Variants in MED27 observed in about 807,000 individuals in gnomAD.
MED27 encodes mediator of RNA polymerase II transcription subunit 27.
In MED27, 30 loss-of-function variants were observed where a neutral mutation model predicts 38.2. That is an observed-to-expected ratio of 0.79 (90% CI 0.59 to 1.07). The LOEUF is 1.07. Among genes scored for constraint, MED27 ranks in the 50% least tolerant of loss-of-function variants. The pLI is 0.00. For synonymous variants in MED27, 122 were observed against 153.5 expected (o/e 0.79, Z 1.52); for missense variants, 289 against 397.5 (o/e 0.73, Z 2.32).
chr9:131,934,005 T>G (rs910526026), intron 4 of MED27, among the ~76,000 whole-genome samples: 1 of 152,160 alleles, frequency 6.6e-6, no homozygotes, highest in African/African-American at 2.4e-5. Flanking sequence ...TTGACAAAGA[T>G]GCCAAGAACA....
chr9:131,973,918 A>T (rs1014671546), intron 3 of MED27, among the ~76,000 whole-genome samples: 1 of 150,768 alleles, frequency 6.6e-6, no homozygotes, highest in Non-Finnish European at 1.5e-5. Context: ...GGGTTTCACC[A>T]TAGCCGGGAT....
Position 131,884,075 on chromosome 9 carries a change from A to G in MED27, c.706T>C (p.Tyr236His). ...GKLDIWSKSNYQVFQKVTDHA... is the reference protein window; with the variant it reads ...GKLDIWSKSNHQVFQKVTDHA... ...AAACTTACCTTCTGGAATACTTGAT[A>G]GTTGGATTTGGACCATATATCAAGC... The change falls in exon 6 of 8, where the codon TAT becomes CAT. Residue 236 changes from tyrosine to histidine, a missense_variant. Transcript: ENST00000292035. 1 of 1,612,550 alleles carries G rather than the reference A, an allele frequency of 6.2e-7. No individual in the cohort carries two copies. The highest frequency in any genetic ancestry group is 2.2e-5 in the East Asian group (1 of 44,824).
chr9:132,013,056 C>T (rs866556860), intron 3 of MED27, among the ~76,000 whole-genome samples: 4 of 152,146 alleles, frequency 2.6e-5, no homozygotes, highest in South Asian at 2.1e-4. Flanking sequence ...GGCGAAGGAA[C>T]GCTTCTCGGG....
intron 4 of MED27, among the ~76,000 whole-genome samples, chr9:131,924,267 A>C (rs1830444972): frequency 1.3e-5 from 2 of 152,100 alleles, no homozygotes; most frequent in Non-Finnish European, 2.9e-5. Context: ...AATTTTTGCC[A>C]ATCTGGTAGG....
At chr9:132,054,028 T>A (rs1833519829) in intron 2 of MED27, among the ~76,000 whole-genome samples, 1 of 151,852 alleles carries the variant, frequency 6.6e-6, no homozygotes, top group South Asian at 2.1e-4. Flanking sequence ...AGATATCAAG[T>A]AATCAAAACT....
intron 2 of MED27, among the ~76,000 whole-genome samples, chr9:132,053,201 C>A (rs568396205): frequency 1.3e-5 from 2 of 150,884 alleles, no homozygotes; most frequent in African/African-American, 4.9e-5. Flanking sequence ...TGCAGTGAGC[C>A]GAGATCGCGC....
intron 3 of MED27, among the ~76,000 whole-genome samples, chr9:131,967,944 A>G (rs1249855922): frequency 2.0e-5 from 3 of 150,514 alleles, no homozygotes; most frequent in Admixed American, 1.3e-4. Context: ...CAGCCTCCTG[A>G]TTAGCTGGGA....
chr9:131,919,414 T>C (rs1477443884), intron 4 of MED27, among the ~76,000 whole-genome samples: 6 of 151,968 alleles, frequency 3.9e-5, no homozygotes, highest in Non-Finnish European at 8.8e-5. Context: ...CAAGCAAGCA[T>C]GACATGCTGC....
chr9:132,026,748 G>A (rs1012168596), intron 2 of MED27, among the ~76,000 whole-genome samples: 1 of 152,074 alleles, frequency 6.6e-6, no homozygotes, highest in Non-Finnish European at 1.5e-5. Flanking sequence ...TACATCCCCA[G>A]TGTCCAGAAC....
intron 2 of MED27, among the ~76,000 whole-genome samples, chr9:132,056,998 C>A (rs1833592912): frequency 6.6e-6 from 1 of 152,190 alleles, no homozygotes; most frequent in Non-Finnish European, 1.5e-5. Flanking sequence ...GAAGCAGAGA[C>A]AAGGGACCAT....
chr9:132,006,695 G>A (rs1300119025), intron 3 of MED27, among the ~76,000 whole-genome samples: 1 of 152,052 alleles, frequency 6.6e-6, no homozygotes, highest in East Asian at 1.9e-4. Context: ...ATGAGCAACA[G>A]AAGAGATAAT....
intron 4 of MED27, among the ~76,000 whole-genome samples, chr9:131,894,677 C>T (rs557180071): frequency 8.3e-4 from 127 of 152,114 alleles, no homozygotes; most frequent in Non-Finnish European, 1.6e-3. Context: ...AAAAAGGAAC[C>T]TGCTGTGCTT....
chr9:131,937,990 AC>A (rs1434624974), intron 4 of MED27, among the ~76,000 whole-genome samples: 3 of 152,206 alleles, frequency 2.0e-5, no homozygotes, highest in Non-Finnish European at 4.4e-5. Flanking sequence ...TATGAAAAAA[AC>A]ATCGCATTAT....
chr9:131,891,858 A>G (rs947026023), intron 5 of MED27, among the ~76,000 whole-genome samples: 9 of 152,196 alleles, frequency 5.9e-5, no homozygotes, highest in African/African-American at 2.2e-4. Flanking sequence ...AGAGGGGTGG[A>G]GAGGGATGGG....
chr9:131,894,868 T>C (rs1315372782), intron 4 of MED27, among the ~76,000 whole-genome samples: 1 of 152,008 alleles, frequency 6.6e-6, no homozygotes, highest in Non-Finnish European at 1.5e-5. Flanking sequence ...CCCTCAGAAA[T>C]GGCTGGGTTC....
chr9:131,989,721 C>A (rs1021921062), intron 3 of MED27, among the ~76,000 whole-genome samples: 2 of 151,920 alleles, frequency 1.3e-5, no homozygotes, highest in African/African-American at 4.8e-5. Flanking sequence ...GAGCCAGCTC[C>A]AGCAATTATC....
chr9:131,884,182 C>A, intron 5 of MED27, 83 bp from the exon 6 acceptor site: 1 of 1,068,584 alleles, frequency 9.4e-7, no homozygotes, highest in South Asian at 1.9e-5. Context: ...TACTGTTAAC[C>A]CTTCTTAAAC....
chr9:132,012,128 A>C (rs1832498476), intron 3 of MED27, among the ~76,000 whole-genome samples: 1 of 152,222 alleles, frequency 6.6e-6, no homozygotes, highest in African/African-American at 2.4e-5. Context: ...AGCAACAAAT[A>C]CTTTTTGGCT....
chr9:131,914,338 A>G (rs1830248223), intron 4 of MED27, among the ~76,000 whole-genome samples: 1 of 152,210 alleles, frequency 6.6e-6, no homozygotes, highest in Admixed American at 6.5e-5. Context: ...CGGCTGACTG[A>G]GGTTAAATTT....
Sources: allele counts gnomAD v4.1 joint callset (sites outside exome capture counted in the v4.1 genomes callset), GRCh38; gene constraint gnomAD v4.1.1; transcripts MANE v1.5; gene names NCBI Gene and HGNC (gene_info 2026-07-23, HGNC 2026-07-21).